Variants in MEI4 observed in about 807,000 individuals in gnomAD.
MEI4 encodes meiosis-specific protein MEI4.
Under a neutral mutation model 31.4 loss-of-function variants are expected in MEI4, and 27 were observed. The ratio of observed to expected loss-of-function variants is 0.86; its 90% CI spans 0.63 to 1.19. The LOEUF (loss-of-function observed/expected upper bound fraction) is 1.19. Ranked by LOEUF, MEI4 falls within the 50% of genes most tolerant of loss-of-function variation. The probability of loss-of-function intolerance (pLI) is 0.00; values close to 1 mark genes in which losing one functional copy is unlikely to be tolerated. For missense variants in MEI4, 329 were observed against 398.9 expected, an observed-to-expected ratio of 0.82 and a Z score of 1.49; for synonymous variants, 122 against 145.4, an observed-to-expected ratio of 0.84 and a Z score of 1.16.
chr6:77,800,610 A>T (rs1396012941), intron 3 of MEI4, among the ~76,000 whole-genome samples: 2 of 152,186 alleles, frequency 1.3e-5, no homozygotes, highest in Non-Finnish European at 2.9e-5. Context: ...CCCATTCAGT[A>T]TGATATTGGC....
chr6:77,883,523 G>A (rs188169537), intron 4 of MEI4, among the ~76,000 whole-genome samples: 3 of 150,946 alleles, frequency 2.0e-5, no homozygotes, highest in South Asian at 2.1e-4. Context: ...TTTTTAGCTC[G>A]CACATATAAG....
intron 4 of MEI4, among the ~76,000 whole-genome samples, chr6:77,891,475 CTGA>C (rs1771766450): frequency 2.6e-5 from 4 of 151,988 alleles, no homozygotes; most frequent in African/African-American, 2.4e-5. Flanking sequence ...GATTTCTGTT[CTGA>C]TGATATCTTT....
intron 1 of MEI4, among the ~76,000 whole-genome samples, chr6:77,687,795 G>A (rs1769085824): frequency 6.6e-6 from 1 of 152,022 alleles, no homozygotes. Flanking sequence ...ATCCTTTCTA[G>A]GTGTGCCACC....
At chr6:77,681,701 TAA>T (rs1479949684) in intron 1 of MEI4, among the ~76,000 whole-genome samples, 2 of 152,138 alleles carry the variant, frequency 1.3e-5, no homozygotes, top group Non-Finnish European at 2.9e-5. Context: ...AAAATAGTGT[TAA>T]GAGACCGTAG....
chr6:77,741,173 G>A (rs1217751982), intron 2 of MEI4, among the ~76,000 whole-genome samples: 2 of 152,138 alleles, frequency 1.3e-5, no homozygotes, highest in Admixed American at 6.6e-5. Flanking sequence ...ATGTTTTGGT[G>A]AACTGTCAGG....
chr6:77,782,831 A>T (rs1513019), intron 3 of MEI4, among the ~76,000 whole-genome samples: 126,518 of 152,148 alleles, frequency 0.83, 53,103 homozygotes, highest in East Asian at 0.95. Context: ...TATGCAAAAT[A>T]ATTTATTATT....
intron 1 of MEI4, among the ~76,000 whole-genome samples, chr6:77,674,108 G>T (rs1022622998): frequency 3.3e-5 from 5 of 152,106 alleles, no homozygotes; most frequent in African/African-American, 1.2e-4. Flanking sequence ...GCTTTAAAAA[G>T]ACAACTTTCT....
chr6:77,888,301 A>C (rs954350376), intron 4 of MEI4, among the ~76,000 whole-genome samples: 2 of 150,040 alleles, frequency 1.3e-5, no homozygotes, highest in African/African-American at 2.5e-5. Flanking sequence ...TCACTTTGTT[A>C]ATTGTTTTCT....
intron 3 of MEI4, among the ~76,000 whole-genome samples, chr6:77,781,344 C>T (rs1768592228): frequency 6.6e-6 from 1 of 152,122 alleles, no homozygotes; most frequent in Non-Finnish European, 1.5e-5. Context: ...TACGACCTGT[C>T]TATATCAGTG....
At chr6:77,767,171 A>G (rs938590571) in intron 3 of MEI4, among the ~76,000 whole-genome samples, 4 of 151,408 alleles carry the variant, frequency 2.6e-5, no homozygotes, top group Non-Finnish European at 4.4e-5. Flanking sequence ...CATGAGGTCA[A>G]TAGATAGAGA....
intron 3 of MEI4, among the ~76,000 whole-genome samples, chr6:77,795,692 A>G (rs1358270463): frequency 6.6e-6 from 1 of 152,140 alleles, no homozygotes; most frequent in Non-Finnish European, 1.5e-5. Flanking sequence ...TTAGAAATAC[A>G]CAACCTACCA....
chr6:77,655,181 T>C (rs1017467784), intron 1 of MEI4, among the ~76,000 whole-genome samples: 7 of 152,218 alleles, frequency 4.6e-5, no homozygotes, highest in African/African-American at 1.7e-4. Flanking sequence ...CTGTGTTAGT[T>C]TGCTGAGAAT....
intron 1 of MEI4, among the ~76,000 whole-genome samples, chr6:77,683,112 A>T (rs1210170648): frequency 6.6e-6 from 1 of 152,180 alleles, no homozygotes; most frequent in Non-Finnish European, 1.5e-5. Context: ...ACAGTTGAAG[A>T]TGTCTCAGAA....
chr6:77,887,554 C>A (rs1314829105), intron 4 of MEI4, among the ~76,000 whole-genome samples: 1 of 152,166 alleles, frequency 6.6e-6, no homozygotes, highest in Non-Finnish European at 1.5e-5. Flanking sequence ...CCCTCAGCCT[C>A]CCAAAGTGCT....
At chr6:77,737,788 G>A (rs750025082) in intron 2 of MEI4, among the ~76,000 whole-genome samples, 1 of 152,186 alleles carries the variant, frequency 6.6e-6, no homozygotes, top group Non-Finnish European at 1.5e-5. Context: ...TGTATATGGA[G>A]GTCAAGGAAG....
intron 2 of MEI4, among the ~76,000 whole-genome samples, chr6:77,757,093 T>G (rs1767935680): frequency 6.6e-6 from 1 of 152,228 alleles, no homozygotes; most frequent in South Asian, 2.1e-4. Flanking sequence ...GTGTGGCTCT[T>G]TCTCAGTTCT....
At position 77,680,706 on chromosome 6, in the gene MEI4, G is replaced by GT. The variant is rs202113502; in HGVS notation, c.-14-9947dup. Among the ~76,000 whole-genome samples the GT allele has an allele frequency of 8.0e-3, 1,224 of 152,212 alleles. 14 individuals carry two copies. Among genetic ancestry groups the GT allele is most frequent in the African/African-American group, 0.027 (1,108 of 41,544 alleles). ...GCTAGTGAAAGTAGAGCTCTATTTT[G>GT]TTTTTAGGCATGCAAATCCATGTAG... On this transcript the variant is annotated intron_variant, in intron 1 of 4. Coordinates refer to ENST00000684080, the MANE Select transcript of MEI4 (RefSeq NM_001322247.2).
intron 1 of MEI4, among the ~76,000 whole-genome samples, chr6:77,673,325 A>T (rs1235548148): frequency 6.6e-6 from 1 of 152,234 alleles, no homozygotes; most frequent in Non-Finnish European, 1.5e-5. Flanking sequence ...GCCAGGTATT[A>T]TCATAAGTGC....
At position 77,924,473 on chromosome 6, in the gene MEI4, A is replaced by ATTTTGTG. The variant is rs796331600; in HGVS notation, c.*1127_*1128insTTTTGTG. 17 of 151,580 alleles carry ATTTTGTG rather than the reference A, an allele frequency of 1.1e-4. No individual in the cohort carries two copies. Among genetic ancestry groups the ATTTTGTG allele is most frequent in the East Asian group, 3.9e-4 (2 of 5,146 alleles). 9.4% of individuals were successfully genotyped at this position (151,580 alleles called of 1,614,324 possible). A position where few individuals can be genotyped will look rare whatever the true frequency, so the allele number is the denominator to read the frequency against. On this transcript the variant is annotated 3_prime_UTR_variant, in exon 5 of 5. Transcript: ENST00000684080. ...AGCTTTTGTTATGTGACAGATAGAT[A>ATTTTGTG]ATCAATCACAAAATATCTATCAGTG...
Sources: allele counts gnomAD v4.1 joint callset (sites outside exome capture counted in the v4.1 genomes callset), GRCh38; gene constraint gnomAD v4.1.1; transcripts MANE v1.5; gene names NCBI Gene and HGNC (gene_info 2026-07-23, HGNC 2026-07-21).